The following ME3 variants were observed in gnomAD, a reference collection of about 807,000 sequenced individuals.
ME3 encodes NADP-dependent malic enzyme, mitochondrial.
ME3 carries 48 observed loss-of-function variants against 68.9 expected under a neutral mutation model. The ratio of observed to expected loss-of-function variants is 0.70; its 90% confidence interval spans 0.55 to 0.89. The LOEUF (loss-of-function observed/expected upper bound fraction) is 0.89, where lower values mean the gene tolerates loss of function less well. Ranked by LOEUF, ME3 falls within the 40% of genes least tolerant of loss-of-function variation. The pLI is 0.00. For synonymous variants in ME3, 320 were observed against 318.8 expected, an observed-to-expected ratio of 1.00 and a Z score of -0.04; for missense variants, 675 against 797.4, an observed-to-expected ratio of 0.85 and a Z score of 1.85.
At chr11:86,480,992 TG>T (rs1951372444) in intron 7 of ME3, among the ~76,000 whole-genome samples, 1 of 152,154 alleles carries the variant, frequency 6.6e-6, no homozygotes, top group African/African-American at 2.4e-5. Context: ...TGGGAGGAGC[TG>T]GGGCCGCACA....
chr11:86,460,011 G>T (rs542897600), intron 8 of ME3, among the ~76,000 whole-genome samples: 1 of 152,338 alleles, frequency 6.6e-6, no homozygotes, highest in East Asian at 1.9e-4. Context: ...CCTGGACCTG[G>T]CCCCTTGTGT....
At chr11:86,504,687 C>A (rs529329601) in intron 5 of ME3, among the ~76,000 whole-genome samples, 1 of 151,786 alleles carries the variant, frequency 6.6e-6, no homozygotes, top group East Asian at 1.9e-4. Flanking sequence ...AGCCACTGTG[C>A]CCAGCCCTTT....
intron 7 of ME3, among the ~76,000 whole-genome samples, chr11:86,472,074 T>G (rs1462200543): frequency 2.6e-5 from 4 of 151,990 alleles, no homozygotes; most frequent in African/African-American, 9.7e-5. Context: ...GAGCAGAGGT[T>G]CCCAGACAGA....
intron 2 of ME3, among the ~76,000 whole-genome samples, chr11:86,662,796 T>C (rs1352121471): frequency 6.6e-6 from 1 of 152,194 alleles, no homozygotes; most frequent in African/African-American, 2.4e-5. Context: ...AAACTCAGTA[T>C]AATAGGAATC....
chr11:86,528,959 G>A (rs1168488362), intron 4 of ME3, among the ~76,000 whole-genome samples: 2 of 152,226 alleles, frequency 1.3e-5, no homozygotes, highest in Non-Finnish European at 2.9e-5. Context: ...AGAGAAGCAG[G>A]AGCAAACACA....
intron 2 of ME3, among the ~76,000 whole-genome samples, chr11:86,566,506 C>T (rs1416159779): frequency 6.6e-6 from 1 of 152,162 alleles, no homozygotes; most frequent in Admixed American, 6.5e-5. Context: ...TAGGGAGATC[C>T]AAACCCATAT....
At chr11:86,449,811 T>A in intron 10 of ME3, 78 bp downstream of exon 10, 2 of 1,056,250 alleles carry the variant, frequency 1.9e-6, no homozygotes, top group South Asian at 2.9e-5. Flanking sequence ...GCAGTTGACT[T>A]CTTGGAGACC....
chr11:86,598,274 G>A (rs1959893269), intron 2 of ME3, among the ~76,000 whole-genome samples: 3 of 152,214 alleles, frequency 2.0e-5, no homozygotes, highest in South Asian at 4.1e-4. Flanking sequence ...ACGGGCTTAG[G>A]AAATGGCACA....
intron 4 of ME3, among the ~76,000 whole-genome samples, chr11:86,544,685 C>T (rs1956256695): frequency 6.6e-6 from 1 of 152,078 alleles, no homozygotes; most frequent in Non-Finnish European, 1.5e-5. Flanking sequence ...CAACCAAAAA[C>T]AGCCCAGGAC....
At chr11:86,662,032 A>G (rs1946317023) in intron 2 of ME3, among the ~76,000 whole-genome samples, 1 of 152,218 alleles carries the variant, frequency 6.6e-6, no homozygotes, top group Non-Finnish European at 1.5e-5. Context: ...AGTTCTCTCC[A>G]GCTCTAAGAA....
At chr11:86,523,145 C>A (rs890767953) in intron 4 of ME3, among the ~76,000 whole-genome samples, 5 of 152,094 alleles carry the variant, frequency 3.3e-5, no homozygotes, top group African/African-American at 1.2e-4. Flanking sequence ...TGAGGCAAGT[C>A]ATGTCATTAT....
chr11:86,568,310 A>T (rs1957597652), intron 2 of ME3, among the ~76,000 whole-genome samples: 1 of 152,126 alleles, frequency 6.6e-6, no homozygotes, highest in Admixed American at 6.6e-5. Context: ...TCTCCCAGGG[A>T]ACCTTTGGAT....
At chr11:86,667,577 C>A (rs114635736) in intron 2 of ME3, among the ~76,000 whole-genome samples, 1,877 of 152,264 alleles carry the variant, frequency 0.012, 46 homozygotes, top group African/African-American at 0.042. Context: ...TCAGACAGAG[C>A]TAATGCCATG....
intron 8 of ME3, chr11:86,457,468 A>AT (rs1182081226): frequency 3.1e-5 from 32 of 1,029,272 alleles, no homozygotes; most frequent in Non-Finnish European, 3.7e-5. Context: ...ACTGTTGCCC[A>AT]TTTTTTTCCT....
intron 7 of ME3, among the ~76,000 whole-genome samples, chr11:86,473,796 C>T (rs1184762884): frequency 1.3e-5 from 2 of 152,042 alleles, no homozygotes; most frequent in Non-Finnish European, 2.9e-5. Flanking sequence ...AACTGGATAC[C>T]GTGGATTGGA....
chr11:86,666,428 C>A (rs1041202198), intron 2 of ME3, among the ~76,000 whole-genome samples: 1 of 152,170 alleles, frequency 6.6e-6, no homozygotes, highest in Non-Finnish European at 1.5e-5. Context: ...GAGAAATATA[C>A]TTCTATCTTA....
chr11:86,451,345 T>C (rs1047633562), intron 8 of ME3, among the ~76,000 whole-genome samples: 2 of 152,186 alleles, frequency 1.3e-5, no homozygotes, highest in African/African-American at 4.8e-5. Flanking sequence ...TTGTGCCCCA[T>C]GTGAGAGTTT....
chr11:86,566,684 C>G (rs1486871482), intron 2 of ME3, among the ~76,000 whole-genome samples: 2 of 152,152 alleles, frequency 1.3e-5, no homozygotes, highest in Non-Finnish European at 2.9e-5. Flanking sequence ...ACATAATGCT[C>G]CTGAAGTTCC....
At chr11:86,592,352 G>A (rs4405345) in intron 2 of ME3, among the ~76,000 whole-genome samples, 6 of 151,984 alleles carry the variant, frequency 3.9e-5, no homozygotes, top group South Asian at 2.1e-4. Context: ...TAGGCCTTGA[G>A]GGGGGGAAAT....
Sources: allele counts gnomAD v4.1 joint callset (sites outside exome capture counted in the v4.1 genomes callset), GRCh38; gene constraint gnomAD v4.1.1; transcripts MANE v1.5; gene names NCBI Gene and HGNC (gene_info 2026-07-23, HGNC 2026-07-21).